The following STK32A variants were observed in gnomAD, a reference collection of about 807,000 sequenced individuals.
STK32A encodes the protein serine/threonine kinase 32A, also known as serine/threonine-protein kinase 32A.
Under a neutral mutation model 53.2 loss-of-function variants are expected in STK32A, and 41 were observed. The ratio of observed to expected loss-of-function variants is 0.77; its 90% CI spans 0.60 to 1.00. The LOEUF (loss-of-function observed/expected upper bound fraction) is 1.00, where lower values mean the gene tolerates loss of function less well. STK32A is among the 50% of genes least tolerant of loss of function. The probability of loss-of-function intolerance (pLI) is 0.00; values close to 1 mark genes in which losing one functional copy is unlikely to be tolerated. For synonymous variants in STK32A, 166 were observed against 162.8 expected (o/e 1.02, Z -0.15); for missense variants, 458 against 485.8 (o/e 0.94, Z 0.54).
At chr5:147,244,239 G>T (rs974753418) in intron 2 of STK32A, among the ~76,000 whole-genome samples, 4 of 152,106 alleles carry the variant, frequency 2.6e-5, no homozygotes, top group Non-Finnish European at 5.9e-5. Flanking sequence ...AGTCTGAGTC[G>T]TATTCCATTG....
At chr5:147,327,428 CA>C (rs1326472204) in intron 5 of STK32A, among the ~76,000 whole-genome samples, 1 of 152,192 alleles carries the variant, frequency 6.6e-6, no homozygotes, top group Non-Finnish European at 1.5e-5. Flanking sequence ...AATGAAAGTA[CA>C]GTAGATCTCC....
rs892282718 is a variant in STK32A, at chr5:147,307,232, GT to G, written c.261-16656del. Among the ~76,000 whole-genome samples the G allele has an allele frequency of 7.3e-4, 108 of 148,282 alleles. 1 individual carries two copies. Among genetic ancestry groups the G allele is most frequent in the East Asian group, 4.3e-3 (22 of 5,084 alleles). ...GACCTTCTTTTTCACTGCAATAATG[GT>G]TTTTTTTTTAACAATAAAAAATGTT... On this transcript the variant is annotated intron_variant, in intron 4 of 12. Coordinates refer to ENST00000397936, the MANE Select transcript of STK32A (RefSeq NM_001112724.2).
intron 6 of STK32A, among the ~76,000 whole-genome samples, chr5:147,350,326 C>T (rs1280169255): frequency 6.6e-6 from 1 of 151,616 alleles, no homozygotes; most frequent in African/African-American, 2.4e-5. Flanking sequence ...TATCCATATT[C>T]ATGCCAGTTT....
At chr5:147,285,988 C>T (rs1047218994) in intron 4 of STK32A, among the ~76,000 whole-genome samples, 2 of 152,134 alleles carry the variant, frequency 1.3e-5, no homozygotes. Flanking sequence ...AAGATACTTA[C>T]ACATGCATGT....
chr5:147,362,753 C>G (rs1175313151), intron 8 of STK32A, among the ~76,000 whole-genome samples: 1 of 152,148 alleles, frequency 6.6e-6, no homozygotes, highest in Non-Finnish European at 1.5e-5. Context: ...TATGATTCAT[C>G]CTAAGGCAAA....
chr5:147,318,872 G>A (rs1464361706), intron 4 of STK32A, among the ~76,000 whole-genome samples: 1 of 151,942 alleles, frequency 6.6e-6, no homozygotes, highest in Non-Finnish European at 1.5e-5. Context: ...TACCATCCAG[G>A]GTATACAAGA....
At chr5:147,395,489 C>T in the STK32A span, 1 of 1,530,304 alleles carries the variant, frequency 6.5e-7, no homozygotes, top group Non-Finnish European at 8.8e-7. Flanking sequence ...TGAGGAACAC[C>T]CTGTGGCCTC....
At chr5:147,337,874 T>A (rs1476345992) in intron 5 of STK32A, among the ~76,000 whole-genome samples, 1 of 152,134 alleles carries the variant, frequency 6.6e-6, no homozygotes, top group African/African-American at 2.4e-5. Context: ...TTGTATTGAA[T>A]AAATGCTAGT....
chr5:147,399,417 T>C, the STK32A span, among the ~76,000 whole-genome samples: 1 of 152,218 alleles, frequency 6.6e-6, no homozygotes, highest in African/African-American at 2.4e-5. Context: ...TCGAATTAGC[T>C]GGGCTGTCGT....
At chr5:147,375,434 T>A in intron 11 of STK32A, 1 of 438,792 alleles carries the variant, frequency 2.3e-6, no homozygotes, top group East Asian at 4.0e-5. Context: ...TCTAGAGTTC[T>A]GCCATTAACT....
chr5:147,325,944 G>A (rs962107561), intron 5 of STK32A, among the ~76,000 whole-genome samples: 5 of 152,114 alleles, frequency 3.3e-5, no homozygotes, highest in African/African-American at 1.2e-4. Flanking sequence ...AAACCAGCAT[G>A]GCCTCAGAGC....
chr5:147,373,141 G>A (rs1315510824), intron 9 of STK32A, 28 bp from the exon 10 acceptor site: 1 of 1,610,408 alleles, frequency 6.2e-7, no homozygotes. Flanking sequence ...CCTTTCTTAT[G>A]GCCTTGATGT....
At chr5:147,294,272 T>C (rs1041636296) in intron 4 of STK32A, among the ~76,000 whole-genome samples, 1 of 152,202 alleles carries the variant, frequency 6.6e-6, no homozygotes, top group Non-Finnish European at 1.5e-5. Context: ...GTCCTATACT[T>C]CTTTTATTTT....
intron 4 of STK32A, among the ~76,000 whole-genome samples, chr5:147,317,153 A>T (rs1261159393): frequency 2.0e-5 from 3 of 151,718 alleles, no homozygotes; most frequent in Admixed American, 6.6e-5. Context: ...CAAAAAAAAA[A>T]AAAAAAAATC....
chr5:147,365,530 A>G (rs372289514), intron 8 of STK32A, among the ~76,000 whole-genome samples: 71 of 152,218 alleles, frequency 4.7e-4, no homozygotes, highest in African/African-American at 1.5e-3. Flanking sequence ...CCAGTGAACA[A>G]GTAGATACGC....
chr5:147,268,921 C>T (rs776005390), intron 2 of STK32A, among the ~76,000 whole-genome samples: 23 of 152,142 alleles, frequency 1.5e-4, no homozygotes, highest in Non-Finnish European at 2.9e-4. Flanking sequence ...TGAGTCAGGT[C>T]TTTACCCAAC....
At chr5:147,282,234 C>T (rs1405505597) in intron 4 of STK32A, among the ~76,000 whole-genome samples, 1 of 151,944 alleles carries the variant, frequency 6.6e-6, no homozygotes, top group Non-Finnish European at 1.5e-5. Flanking sequence ...TCTGCAGGAC[C>T]CAGGAGACCA....
intron 2 of STK32A, chr5:147,240,056 C>A (rs952094519): frequency 5.5e-6 from 1 of 181,388 alleles, no homozygotes; most frequent in East Asian, 1.6e-4. Flanking sequence ...TGAATGATAA[C>A]CAGTGCTCAT....
rs1757692112 is a variant in STK32A, at chr5:147,387,082, TGGAGC to T, written c.*3100_*3104del. 6.6e-6 allele frequency: 1 copy of T among 152,372 alleles called. No individual in the cohort carries two copies. The highest frequency in any genetic ancestry group is 2.4e-5 in the African/African-American group (1 of 41,590). The allele number at this position is 152,372 out of a possible 1,614,324, so 9.4% of individuals were successfully genotyped here. ...TCTCCCAGTGCTTCCCTTGCCTGTA[TGGAGC>T]ATCTGCAAAGTCTGAGCAGGTTTTG... On this transcript the variant is annotated 3_prime_UTR_variant, in exon 13 of 13. Transcript: ENST00000397936.
Sources: gnomAD v4.1 joint callset for allele counts (sites outside exome capture counted in the v4.1 genomes callset) on GRCh38, gnomAD v4.1.1 for gene constraint, MANE v1.5 for transcripts, NCBI Gene and HGNC (gene_info 2026-07-23, HGNC 2026-07-21) for gene names.